Variants in C5orf58 observed in about 807,000 individuals in gnomAD.
C5orf58 encodes the protein putative uncharacterized protein C5orf58.
In C5orf58, 2 loss-of-function variants were observed where a neutral mutation model predicts 2.9. The ratio of observed to expected loss-of-function variants is 0.69; its 90% CI spans 0.28 to 2.18. The LOEUF is 2.18. Among genes scored for constraint, C5orf58 ranks in the 30% most tolerant of loss-of-function variants. The pLI is 0.13. For synonymous variants in C5orf58, 37 were observed against 33.4 expected (o/e 1.11, Z -0.37); for missense variants, 96 against 91.7 (o/e 1.05, Z -0.19).
chr5:170,234,137 T>G lies in C5orf58; in HGVS notation c.-62T>G. 1 of 1,367,584 alleles carries G rather than the reference T, an allele frequency of 7.3e-7. No homozygotes were observed. The highest frequency in any genetic ancestry group is 9.8e-7 in the Non-Finnish European group (1 of 1,021,742). 84.7% of individuals were successfully genotyped at this position (1,367,584 alleles called of 1,614,324 possible). A position where few individuals can be genotyped will look rare whatever the true frequency, so the allele number is the denominator to read the frequency against. ...TAGTTTTTTTACAGTGGCTCTGAAA[T>G]GAGAGAAATTGCAGAAATTCTCCCT... On this transcript the variant is annotated 5_prime_UTR_variant, in exon 2 of 4. An upstream start codon of the reference 5' UTR is lost. Transcript: ENST00000593851.
chr5:170,243,626 G>A (rs1305064611), intron 3 of C5orf58, among the ~76,000 whole-genome samples: 2 of 149,106 alleles, frequency 1.3e-5, no homozygotes, highest in Non-Finnish European at 3.0e-5. Flanking sequence ...TTTTCCATTT[G>A]CTTGGTAGAT....
At chr5:170,238,008 A>G (rs903928593) in intron 3 of C5orf58, among the ~76,000 whole-genome samples, 3 of 152,312 alleles carry the variant, frequency 2.0e-5, no homozygotes, top group African/African-American at 7.2e-5. Flanking sequence ...AAAGATACTA[A>G]TAGCAGAGGT....
chr5:170,237,823 G>A (rs1760805737), intron 3 of C5orf58, among the ~76,000 whole-genome samples: 1 of 152,186 alleles, frequency 6.6e-6, no homozygotes, highest in Non-Finnish European at 1.5e-5. Flanking sequence ...CTAGTCATAG[G>A]TTGAGGGAAA....
downstream of C5orf58, chr5:170,246,668 G>A (rs1458764738): frequency 1.3e-5 from 2 of 152,670 alleles, no homozygotes; most frequent in Non-Finnish European, 2.9e-5. Context: ...GGGGACCCCA[G>A]ATAAAAGAGA....
At chr5:170,242,993 G>T (rs1276035412) in intron 3 of C5orf58, among the ~76,000 whole-genome samples, 312 of 144,110 alleles carry the variant, frequency 2.2e-3, no homozygotes, top group Middle Eastern at 6.9e-3. Context: ...GTTCTCGTTG[G>T]TTTCAAAGAA....
At chr5:170,250,912 G>C, downstream of C5orf58, 7 of 1,603,900 alleles carry the variant, frequency 4.4e-6, no homozygotes, top group Non-Finnish European at 6.0e-6. Flanking sequence ...CTGTTATTAT[G>C]GGAGCAGTAA....
chr5:170,248,834 A>T, downstream of C5orf58: 2 of 1,611,296 alleles, frequency 1.2e-6, no homozygotes, highest in Non-Finnish European at 1.7e-6. Flanking sequence ...AAGAGTCAAG[A>T]TAGGGAGATG....
chr5:170,244,948 A>G (rs1761192802), intron 3 of C5orf58, among the ~76,000 whole-genome samples: 1 of 151,966 alleles, frequency 6.6e-6, no homozygotes, highest in South Asian at 2.1e-4. Context: ...TGATGTACAG[A>G]TGGGTTTTTG....
At chr5:170,250,901 C>G, downstream of C5orf58, 1 of 1,610,870 alleles carries the variant, frequency 6.2e-7, no homozygotes, top group Middle Eastern at 1.7e-4. Flanking sequence ...AAGACAAATT[C>G]CTGTTATTAT....
At chr5:170,248,912 T>C (rs1046218783), downstream of C5orf58, 12 of 1,238,200 alleles carry the variant, frequency 9.7e-6, no homozygotes, top group African/African-American at 1.5e-5. Flanking sequence ...ATATGCTGCC[T>C]CTTCAAGTGA....
intron 1 of C5orf58, 99 bp downstream of exon 1, chr5:170,233,106 C>T: frequency 2.2e-6 from 1 of 444,796 alleles, no homozygotes; most frequent in Non-Finnish European, 3.0e-6. Flanking sequence ...CCACCTTCCA[C>T]CACCCAACGG....
chr5:170,235,064 A>T lies in C5orf58; in HGVS notation c.88A>T (p.Ile30Leu). 7.0e-7 allele frequency: 1 copy of T among 1,422,166 alleles called. No homozygotes were observed. The highest frequency in any genetic ancestry group is 9.8e-7 in the Non-Finnish European group (1 of 1,023,236). The allele number at this position is 1,422,166 out of a possible 1,614,324, so 88.1% of individuals were successfully genotyped here. A position where few individuals can be genotyped will look rare whatever the true frequency, so the allele number is the denominator to read the frequency against. Residue 30 changes from isoleucine to leucine, a missense_variant, in exon 3 of 4, where the codon ATA becomes TTA. Ile to Leu is a conservative substitution (Grantham distance 5). Coordinates refer to ENST00000593851, the MANE Select transcript of C5orf58 (RefSeq NM_001102609.3). ...CACAATTTCTTCGGAGTTGAAGAAG[A>T]TAAAAGGTAAGTATTGAATCACTAA... Reference protein sequence around the residue: ...INTISSELKKIKELSQLLLCD... With the variant: ...INTISSELKKLKELSQLLLCD...
At chr5:170,250,009 C>T (rs575843197), downstream of C5orf58, among the ~76,000 whole-genome samples, 1 of 152,186 alleles carries the variant, frequency 6.6e-6, no homozygotes, top group South Asian at 2.1e-4. Flanking sequence ...CATTTTTTTT[C>T]TATTCATTAA....
At chr5:170,233,379 G>C (rs961041084) in intron 1 of C5orf58, 1 of 152,326 alleles carries the variant, frequency 6.6e-6, no homozygotes, top group African/African-American at 2.4e-5. Flanking sequence ...TGTTGAGCGG[G>C]TGGTTGGGCC....
downstream of C5orf58, chr5:170,247,128 T>A (rs1362229816): frequency 1.3e-5 from 2 of 152,236 alleles, no homozygotes; most frequent in African/African-American, 4.8e-5. Context: ...TGGTGTATGC[T>A]ATCCTTACTA....
chr5:170,252,443 C>G, downstream of C5orf58: 1 of 1,562,822 alleles, frequency 6.4e-7, no homozygotes, highest in South Asian at 1.1e-5. Context: ...CCTGGTTTAT[C>G]TTTCTAAGAG....
downstream of C5orf58, chr5:170,250,645 C>T (rs578058528): frequency 2.3e-5 from 24 of 1,066,408 alleles, no homozygotes; most frequent in Admixed American, 2.0e-4. Context: ...CCATACAGCA[C>T]GGACTCTCAA....
intron 3 of C5orf58, chr5:170,237,216 A>G: frequency 5.0e-6 from 2 of 398,294 alleles, no homozygotes; most frequent in Non-Finnish European, 8.9e-6. Flanking sequence ...GACTTCTGGT[A>G]AATGTAGAGG....
chr5:170,250,685 CATAA>C (rs773655648), downstream of C5orf58: 114 of 1,515,476 alleles, frequency 7.5e-5, no homozygotes, highest in Non-Finnish European at 1.0e-4. Context: ...TGCAGAGTGG[CATAA>C]ATAAAGACTT....
Sources: allele counts gnomAD v4.1 joint callset (sites outside exome capture counted in the v4.1 genomes callset), GRCh38; gene constraint gnomAD v4.1.1; transcripts MANE v1.5; gene names NCBI Gene and HGNC (gene_info 2026-07-23, HGNC 2026-07-21).